Variants in CLIC6 observed in about 807,000 individuals in gnomAD.
The protein encoded by CLIC6 is chloride intracellular channel protein 6.
Under a neutral mutation model 49.2 loss-of-function variants are expected in CLIC6, and 39 were observed. The observed-to-expected ratio is 0.79, with a 90% CI of 0.61 to 1.04. The LOEUF (loss-of-function observed/expected upper bound fraction) is 1.04, where lower values mean the gene tolerates loss of function less well. CLIC6 is among the 50% of genes least tolerant of loss of function. The pLI is 0.00. For synonymous variants in CLIC6, 446 were observed against 433.4 expected (o/e 1.03, Z -0.36); for missense variants, 988 against 993.1 (o/e 0.99, Z 0.07).
At chr21:34,701,167 T>TAATTA (rs1990181695) in intron 1 of CLIC6, among the ~76,000 whole-genome samples, 1 of 146,492 alleles carries the variant, frequency 6.8e-6, no homozygotes, top group Admixed American at 6.7e-5. Flanking sequence ...CCGGGCGCGG[T>TAATTA]GGCGGGCGCC....
At chr21:34,699,274 C>G (rs1395733570) in intron 1 of CLIC6, among the ~76,000 whole-genome samples, 1 of 152,096 alleles carries the variant, frequency 6.6e-6, no homozygotes, top group Non-Finnish European at 1.5e-5. Context: ...GTTTTTGAGA[C>G]AGGATCTCCC....
Position 34,669,452 on chromosome 21 carries a change from G to T in CLIC6, c.64G>T (p.Ala22Ser). Residue 22 changes from alanine (A) to serine (S), a missense_variant, in exon 1 of 6, where the codon GCG (alanine) becomes TCG (serine). Ala to Ser is a moderately conservative substitution (Grantham distance 99, BLOSUM62 1). Coordinates refer to ENST00000349499, the MANE Select transcript of CLIC6 (RefSeq NM_053277.3). ...PGPQGPPEVP[A>S]PLAERPGEPG... ...TCCCCAGGGGCCGCCGGAGGTCCCC[G>T]CGCCTCTGGCTGAGAGACCCGGAGA... is the stretch of plus-strand genomic sequence containing the variant. The T allele has an allele frequency of 8.1e-7, 1 of 1,233,818 alleles. No homozygotes were observed. The highest frequency in any genetic ancestry group is 1.5e-5 in the African/African-American group (1 of 64,538). 76.4% of individuals were successfully genotyped at this position (1,233,818 alleles called of 1,614,324 possible).
At chr21:34,706,694 G>T (rs2056016931) in intron 1 of CLIC6, among the ~76,000 whole-genome samples, 1 of 152,196 alleles carries the variant, frequency 6.6e-6, no homozygotes, top group Non-Finnish European at 1.5e-5. Flanking sequence ...TGAGTCTGGT[G>T]TCTTTCTCTC....
intron 1 of CLIC6, among the ~76,000 whole-genome samples, chr21:34,672,191 T>C (rs1259340396): frequency 6.6e-6 from 1 of 152,226 alleles, no homozygotes; most frequent in Non-Finnish European, 1.5e-5. Flanking sequence ...GCGGACAAGA[T>C]CTGATCATTT....
At position 34,685,510 on chromosome 21, in the gene CLIC6, C is replaced by A. The variant is rs138536875; in HGVS notation, c.1374+14748C>A. 2.1e-3 allele frequency among the ~76,000 whole-genome samples: 316 copies of A among 152,228 alleles called. 1 individual carries two copies. The highest frequency in any genetic ancestry group is 7.2e-3 in the African/African-American group (300 of 41,528). On this transcript the variant is annotated intron_variant, in intron 1 of 5. Transcript: ENST00000349499. Reference sequence around the variant, plus strand: ...GAGCCTTGGAGGTGAGTTCAAAGAACCTTGGAAAGACTTAACTCTCTCCCC... The same window carrying A: ...GAGCCTTGGAGGTGAGTTCAAAGAAACTTGGAAAGACTTAACTCTCTCCCC...
chr21:34,682,420 T>G (rs892202248), intron 1 of CLIC6, among the ~76,000 whole-genome samples: 5 of 152,194 alleles, frequency 3.3e-5, no homozygotes, highest in Non-Finnish European at 7.3e-5. Flanking sequence ...CTTTTATATA[T>G]TTAAAAAGTA....
At chr21:34,670,832 A>T in intron 1 of CLIC6, 70 bp downstream of exon 1, 1 of 1,485,294 alleles carries the variant, frequency 6.7e-7, no homozygotes, top group African/African-American at 1.4e-5. Flanking sequence ...CTCAGATCCC[A>T]GAGGGACGCG....
intron 1 of CLIC6, among the ~76,000 whole-genome samples, chr21:34,706,681 CT>C (rs2056016833): frequency 6.6e-6 from 1 of 152,172 alleles, no homozygotes; most frequent in Non-Finnish European, 1.5e-5. Flanking sequence ...ATGCAGGAAG[CT>C]TTGAGTCTGG....
At chr21:34,705,135 G>T (rs191315444) in intron 1 of CLIC6, among the ~76,000 whole-genome samples, 9 of 152,356 alleles carry the variant, frequency 5.9e-5, no homozygotes, top group African/African-American at 2.2e-4. Context: ...CTATAAAAAT[G>T]AGAGGTTTAC....
intron 4 of CLIC6, 29 bp downstream of exon 4, chr21:34,708,835 T>C (rs749755422): frequency 1.3e-6 from 2 of 1,502,350 alleles, no homozygotes; most frequent in Non-Finnish European, 1.9e-6. Context: ...CCTGTTTTGT[T>C]TCAACACAGA....
intron 2 of CLIC6, 80 bp downstream of exon 2, chr21:34,707,469 A>ACACACACACACT: frequency 1.1e-6 from 1 of 877,962 alleles, no homozygotes. Flanking sequence ...ACACACACAC[A>ACACACACACACT]CCTGAGGCCA....
intron 4 of CLIC6, among the ~76,000 whole-genome samples, chr21:34,709,121 T>C (rs1289737804): frequency 6.6e-6 from 1 of 152,240 alleles, no homozygotes; most frequent in African/African-American, 2.4e-5. Flanking sequence ...TCCATAAGTA[T>C]TTTTGAATAA....
chr21:34,708,094 A>G (rs374336941), intron 3 of CLIC6, 25 bp downstream of exon 3: 1 of 1,613,808 alleles, frequency 6.2e-7, no homozygotes, highest in African/African-American at 1.3e-5. Context: ...ACCAGTGTTC[A>G]TAACTTGATT....
In CLIC6 at chr21:34,683,222, G is replaced by T. The variant is rs1019298152; in HGVS notation, c.1374+12460G>T. Among the ~76,000 whole-genome samples the T allele has an allele frequency of 2.6e-5, 4 of 152,288 alleles. No individual in the cohort carries two copies. The South Asian group carries it at 8.3e-4, about 32-fold the overall frequency. On this transcript the variant is annotated intron_variant, in intron 1 of 5. Coordinates refer to ENST00000349499, the MANE Select transcript of CLIC6 (RefSeq NM_053277.3). ...CCCTTTTCAAAACAAAGTTTAAACTGTACAGACAGGAGGATCACTTCATGC... is the reference window on the plus strand; with the variant it reads ...CCCTTTTCAAAACAAAGTTTAAACTTTACAGACAGGAGGATCACTTCATGC...
At chr21:34,683,822 C>T (rs187541621) in intron 1 of CLIC6, among the ~76,000 whole-genome samples, 1 of 152,190 alleles carries the variant, frequency 6.6e-6, no homozygotes, top group Non-Finnish European at 1.5e-5. Flanking sequence ...GTCAATTAAA[C>T]CTCTTTTCTT....
At chr21:34,697,741 T>A (rs1054419796) in intron 1 of CLIC6, among the ~76,000 whole-genome samples, 6 of 152,142 alleles carry the variant, frequency 3.9e-5, no homozygotes, top group South Asian at 2.1e-4. Flanking sequence ...ACGCAGTGAT[T>A]GTCATTTTGG....
chr21:34,673,017 A>G, intron 1 of CLIC6, among the ~76,000 whole-genome samples: 1 of 152,088 alleles, frequency 6.6e-6, no homozygotes, highest in East Asian at 1.9e-4. Context: ...TACTTATTTT[A>G]TTTATTTTTA....
intron 1 of CLIC6, among the ~76,000 whole-genome samples, chr21:34,689,348 G>A (rs1457231867): frequency 6.6e-6 from 1 of 152,196 alleles, no homozygotes. Context: ...AGAAGCCCAG[G>A]TGAACTGGTG....
chr21:34,716,474 A>G lies in CLIC6; in HGVS notation c.2053A>G (p.Met685Val). The change falls in exon 6 of 6, where the codon ATG becomes GTG. Residue 685 changes from methionine to valine, a missense_variant. This residue lies in a region of CLIC6 where 647 missense variants were observed against 596.9 expected (regional missense o/e 1.08). Transcript: ENST00000349499. ...CGCATATTCAGATGTTGCAAAAAGA[A>G]TGAAATGAAGCTGGGCTGTTTTCTG... ...EHAYSDVAKR[M>V]K 1 of 1,609,828 alleles carries G rather than the reference A, an allele frequency of 6.2e-7. No homozygotes were observed. The highest frequency in any genetic ancestry group is 8.5e-7 in the Non-Finnish European group (1 of 1,178,346).
Sources: gnomAD v4.1 joint callset for allele counts (sites outside exome capture counted in the v4.1 genomes callset) on GRCh38, gnomAD v4.1.1 for gene constraint, gnomAD v4.1.1 regional missense constraint, MANE v1.5 for transcripts, NCBI Gene and HGNC (gene_info 2026-07-23, HGNC 2026-07-21) for gene names.